SUPT3H: variants seen among roughly 807,000 people sequenced by gnomAD.
SUPT3H encodes SPT3 homolog, SAGA and STAGA complex component, also known as transcription initiation protein SPT3 homolog.
SUPT3H carries 44 observed loss-of-function variants against 44.3 expected under a neutral mutation model. The ratio of observed to expected loss-of-function variants is 0.99; its 90% CI spans 0.78 to 1.28. The LOEUF (loss-of-function observed/expected upper bound fraction) is 1.28. Ranked by LOEUF, SUPT3H falls within the 50% of genes most tolerant of loss-of-function variation. The pLI, the probability that SUPT3H is intolerant of heterozygous loss-of-function variation, is 0.00. For missense variants in SUPT3H, 380 were observed against 387.1 expected, an observed-to-expected ratio of 0.98 and a Z score of 0.15; for synonymous variants, 124 against 125.6, an observed-to-expected ratio of 0.99 and a Z score of 0.09.
chr6:44,924,729 C>T (rs1418214145), intron 10 of SUPT3H, among the ~76,000 whole-genome samples: 1 of 151,988 alleles, frequency 6.6e-6, no homozygotes, highest in Non-Finnish European at 1.5e-5. Context: ...GATAAATATG[C>T]TACATGTTAA....
At chr6:44,977,274 G>A (rs1463968378) in intron 6 of SUPT3H, among the ~76,000 whole-genome samples, 1 of 152,134 alleles carries the variant, frequency 6.6e-6, no homozygotes, top group African/African-American at 2.4e-5. Flanking sequence ...CAGTAAAATG[G>A]GTAAAGTCAA....
At chr6:44,926,889 A>T (rs1180770885) in intron 10 of SUPT3H, among the ~76,000 whole-genome samples, 1 of 152,198 alleles carries the variant, frequency 6.6e-6, no homozygotes, top group Non-Finnish European at 1.5e-5. Context: ...ATTTGAGTTT[A>T]TACTCTCATA....
intron 1 of SUPT3H, among the ~76,000 whole-genome samples, chr6:45,373,526 C>T (rs1357173827): frequency 1.3e-5 from 2 of 152,126 alleles, no homozygotes; most frequent in South Asian, 4.1e-4. Flanking sequence ...AGCACCATTA[C>T]TGTGACTTAA....
intron 2 of SUPT3H, among the ~76,000 whole-genome samples, chr6:45,141,273 A>C (rs867112891): frequency 1.4e-5 from 2 of 138,046 alleles, no homozygotes; most frequent in African/African-American, 5.6e-5. Context: ...CCGGGAGGCG[A>C]AGGTTGCAGT....
At chr6:44,870,663 A>C (rs1049412061) in intron 10 of SUPT3H, among the ~76,000 whole-genome samples, 2 of 151,410 alleles carry the variant, frequency 1.3e-5, no homozygotes, top group African/African-American at 4.8e-5. Context: ...GCCGAATAGG[A>C]ACAGCTCCAG....
intron 2 of SUPT3H, among the ~76,000 whole-genome samples, chr6:45,148,698 C>T (rs1208006685): frequency 6.6e-6 from 1 of 152,102 alleles, no homozygotes; most frequent in African/African-American, 2.4e-5. Context: ...TCTGCTTCCA[C>T]GAGGGAATTC....
At chr6:44,845,168 A>G (rs1283439275) in intron 10 of SUPT3H, among the ~76,000 whole-genome samples, 1 of 152,216 alleles carries the variant, frequency 6.6e-6, no homozygotes, top group Admixed American at 6.5e-5. Flanking sequence ...TATACAATAA[A>G]TTCCATTCAT....
intron 2 of SUPT3H, among the ~76,000 whole-genome samples, chr6:45,123,042 T>C (rs998293694): frequency 5.9e-5 from 9 of 152,188 alleles, no homozygotes; most frequent in East Asian, 1.9e-4. Context: ...TAAATAAATA[T>C]AGTCCTATTT....
At chr6:45,203,355 G>A (rs1038350645) in intron 2 of SUPT3H, among the ~76,000 whole-genome samples, 2 of 152,116 alleles carry the variant, frequency 1.3e-5, no homozygotes, top group Admixed American at 1.3e-4. Context: ...GTACCTAAAT[G>A]ATCACCAATT....
chr6:45,003,861 A>G, intron 5 of SUPT3H, 69 bp from the exon 6 acceptor site: 1 of 1,518,018 alleles, frequency 6.6e-7, no homozygotes, highest in Non-Finnish European at 9.0e-7. Context: ...TAATTATTAC[A>G]TGTATTAAAT....
chr6:45,230,685 T>TAC (rs1353498864), intron 2 of SUPT3H, among the ~76,000 whole-genome samples: 1 of 116,662 alleles, frequency 8.6e-6, no homozygotes, highest in Non-Finnish European at 1.8e-5. Context: ...TATATATATA[T>TAC]ATTTTTGAGA....
At position 44,811,863 on chromosome 6, in the gene SUPT3H, T is replaced by C. The variant is rs866630708; in HGVS notation, c.*53-2362A>G. Among the ~76,000 whole-genome samples, 894 of 151,944 alleles carry C rather than the reference T, an allele frequency of 5.9e-3. 6 individuals carry two copies. Among genetic ancestry groups the C allele is most frequent in the African/African-American group, 9.3e-3 (384 of 41,456 alleles). On this transcript the variant is annotated intron_variant and NMD_transcript_variant, in intron 11 of 11. Coordinates refer to the SUPT3H transcript ENST00000475057. The stretch of plus-strand genomic sequence containing the variant: ...TTCTCACATTGATGGGTTGGTCTTT[T>C]TTTTTTTTTTCTCTGATCCTCCAAC...
intron 2 of SUPT3H, among the ~76,000 whole-genome samples, chr6:45,229,830 T>A (rs1767623800): frequency 6.6e-6 from 1 of 152,228 alleles, no homozygotes; most frequent in Admixed American, 6.5e-5. Flanking sequence ...TATTTTTATG[T>A]ACAGGTATCA....
intron 2 of SUPT3H, among the ~76,000 whole-genome samples, chr6:45,174,780 T>G (rs17209636): frequency 0.22 from 33,261 of 152,008 alleles, 4,448 homozygotes; most frequent in Non-Finnish European, 0.31. Context: ...ACAGAAATTC[T>G]GTTAGACTAA....
chr6:45,307,766 G>A (rs1223985639), intron 2 of SUPT3H, among the ~76,000 whole-genome samples: 2 of 152,238 alleles, frequency 1.3e-5, no homozygotes, highest in African/African-American at 2.4e-5. Flanking sequence ...AAAGCTGGAT[G>A]GAGAATGACT....
intron 6 of SUPT3H, among the ~76,000 whole-genome samples, chr6:44,986,604 C>T (rs1779829436): frequency 6.6e-6 from 1 of 152,026 alleles, no homozygotes; most frequent in African/African-American, 2.4e-5. Flanking sequence ...CTTTATCCTA[C>T]CCAAAGGTTC....
rs1339115869 is a variant in SUPT3H at position 45,365,261 on chromosome 6, G to T, written c.41C>A (p.Ser14Ter). ...CTTCCCTGTACTCCTTCCACTACTT[G>T]AAGTTGCAGTAGACATTGGACTAGC... ...TAASPMSTAT[S>*]SSGRSTGKSI... The change falls in exon 2 of 11, where the codon TCA becomes TAA. Residue 14 changes from serine to a stop codon, truncating the protein, a stop_gained. Coordinates refer to ENST00000371459, the MANE Select transcript of SUPT3H (RefSeq NM_003599.4). LOFTEE classifies it high-confidence loss of function. 2 of 1,612,008 alleles carry T rather than the reference G, an allele frequency of 1.2e-6. No homozygotes were observed. The highest frequency in any genetic ancestry group is 2.7e-5 in the African/African-American group (2 of 74,694).
chr6:44,916,244 C>T (rs1767786613), intron 10 of SUPT3H, among the ~76,000 whole-genome samples: 1 of 152,214 alleles, frequency 6.6e-6, no homozygotes, highest in Non-Finnish European at 1.5e-5. Context: ...AGCCAATTCA[C>T]AATACACTGC....
intron 2 of SUPT3H, among the ~76,000 whole-genome samples, chr6:45,308,879 A>G (rs1783528329): frequency 1.3e-5 from 2 of 152,044 alleles, no homozygotes; most frequent in African/African-American, 4.8e-5. Context: ...AAACATGCAT[A>G]TAAGCTAGCT....
Sources: gnomAD v4.1 joint callset for allele counts (sites outside exome capture counted in the v4.1 genomes callset) on GRCh38, gnomAD v4.1.1 for gene constraint, MANE v1.5 for transcripts, NCBI Gene and HGNC (gene_info 2026-07-23, HGNC 2026-07-21) for gene names.